APBA2: variants seen among roughly 807,000 people sequenced by gnomAD.
APBA2 encodes amyloid beta precursor protein binding family A member 2.
In APBA2, 30 loss-of-function variants were observed where a neutral mutation model predicts 75.0. The ratio of observed to expected loss-of-function variants is 0.40; its 90% confidence interval spans 0.30 to 0.54. The LOEUF (loss-of-function observed/expected upper bound fraction) is 0.54. Ranked by LOEUF, APBA2 falls within the 20% of genes least tolerant of loss-of-function variation. The pLI is 0.49. For synonymous variants in APBA2, 444 were observed against 409.6 expected (o/e 1.08, Z -1.01); for missense variants, 801 against 1,016.1 (o/e 0.79, Z 2.88).
chr15:28,933,798 G>A (rs2034694971), intron 2 of APBA2, among the ~76,000 whole-genome samples: 2 of 152,214 alleles, frequency 1.3e-5, no homozygotes, highest in African/African-American at 4.8e-5. Context: ...GGGACTGAGG[G>A]TAGAATAATG....
intron 2 of APBA2, among the ~76,000 whole-genome samples, chr15:28,945,795 G>A (rs1289743061): frequency 2.0e-5 from 3 of 152,104 alleles, no homozygotes; most frequent in African/African-American, 7.2e-5. Context: ...ATTACAGGCG[G>A]TGCCGCTCCT....
intron 2 of APBA2, among the ~76,000 whole-genome samples, chr15:28,966,391 A>G (rs1370729199): frequency 6.6e-6 from 1 of 151,898 alleles, no homozygotes; most frequent in Admixed American, 6.6e-5. Flanking sequence ...ACGCATTTAG[A>G]ATTTCTGTAT....
chr15:28,969,293 G>A (rs1486094643), intron 2 of APBA2, among the ~76,000 whole-genome samples: 3 of 151,884 alleles, frequency 2.0e-5, no homozygotes, highest in Admixed American at 6.6e-5. Context: ...CGATTCTCCT[G>A]CCTCAGCCTC....
chr15:28,988,164 T>A (rs1226841898), intron 2 of APBA2, among the ~76,000 whole-genome samples: 1 of 152,232 alleles, frequency 6.6e-6, no homozygotes, highest in African/African-American at 2.4e-5. Context: ...GATCCTTGTT[T>A]ATGGCCTAGT....
chr15:29,108,747 G>A (rs540806710), intron 13 of APBA2: 6 of 408,322 alleles, frequency 1.5e-5, no homozygotes, highest in Admixed American at 3.6e-5. Flanking sequence ...ACAAACAGAC[G>A]TTCACTCATT....
chr15:29,094,115 G>A (rs2043724320), intron 7 of APBA2, among the ~76,000 whole-genome samples, 163 bp from the exon 8 acceptor site: 1 of 152,256 alleles, frequency 6.6e-6, no homozygotes, highest in South Asian at 2.1e-4. Flanking sequence ...CTCTTGGTCA[G>A]TGTGTGTGCT....
At chr15:29,011,365 A>T (rs1226000723) in intron 3 of APBA2, among the ~76,000 whole-genome samples, 1 of 152,172 alleles carries the variant, frequency 6.6e-6, no homozygotes, top group African/African-American at 2.4e-5. Context: ...AAATCTGTTC[A>T]CTTTTTAAAA....
chr15:29,090,178 G>T (rs1248536748), intron 6 of APBA2, among the ~76,000 whole-genome samples: 1 of 152,232 alleles, frequency 6.6e-6, no homozygotes, highest in African/African-American at 2.4e-5. Flanking sequence ...GGCAGGCATG[G>T]AAGGCCCCCA....
At chr15:28,986,585 G>C (rs1047667163) in intron 2 of APBA2, among the ~76,000 whole-genome samples, 1 of 152,080 alleles carries the variant, frequency 6.6e-6, no homozygotes, top group African/African-American at 2.4e-5. Flanking sequence ...TGTCACCTCT[G>C]CCTCCCTAGT....
chr15:29,053,777 A>G, intron 3 of APBA2, 68 bp from the exon 4 acceptor site: 1 of 961,326 alleles, frequency 1.0e-6, no homozygotes, highest in Non-Finnish European at 1.6e-6. Context: ...GCTGTGGTGA[A>G]GTGGCCCCAC....
chr15:28,967,328 A>G (rs763363682), intron 2 of APBA2, among the ~76,000 whole-genome samples: 1 of 152,200 alleles, frequency 6.6e-6, no homozygotes, highest in Non-Finnish European at 1.5e-5. Flanking sequence ...TTTGCATGTG[A>G]TAGAGGGGAG....
intron 3 of APBA2, among the ~76,000 whole-genome samples, chr15:29,044,671 G>A (rs2041215772): frequency 6.6e-6 from 1 of 152,068 alleles, no homozygotes; most frequent in Non-Finnish European, 1.5e-5. Flanking sequence ...AGCGTCAAAG[G>A]GTCCTGGATA....
chr15:29,093,726 G>A (rs527993453), intron 7 of APBA2, among the ~76,000 whole-genome samples: 2 of 152,286 alleles, frequency 1.3e-5, no homozygotes, highest in South Asian at 2.1e-4. Context: ...TGGGGTCGGC[G>A]GGGAGGGGAT....
intron 3 of APBA2, among the ~76,000 whole-genome samples, chr15:28,997,964 G>A (rs2038623251): frequency 6.6e-6 from 1 of 152,152 alleles, no homozygotes; most frequent in South Asian, 2.1e-4. Context: ...AGAGAGAAAG[G>A]CGGCAAGGAG....
At chr15:28,927,471 C>T (rs1469941152) in intron 2 of APBA2, among the ~76,000 whole-genome samples, 2 of 151,910 alleles carry the variant, frequency 1.3e-5, no homozygotes, top group Non-Finnish European at 2.9e-5. Flanking sequence ...TGATTTTCTT[C>T]TCCATTGTCT....
chr15:28,936,424 C>T (rs1166457777), intron 2 of APBA2, among the ~76,000 whole-genome samples: 3 of 152,194 alleles, frequency 2.0e-5, no homozygotes, highest in African/African-American at 4.8e-5. Context: ...AGGTCTGTCC[C>T]GGAGCCATGT....
intron 4 of APBA2, among the ~76,000 whole-genome samples, chr15:29,061,014 T>A (rs1392569861): frequency 5.3e-5 from 8 of 152,098 alleles, no homozygotes; most frequent in Non-Finnish European, 1.2e-4. Context: ...TGCCTTCCCT[T>A]GAAGAGAGTA....
At chr15:28,985,935 G>T (rs922080039) in intron 2 of APBA2, among the ~76,000 whole-genome samples, 1 of 152,224 alleles carries the variant, frequency 6.6e-6, no homozygotes, top group Non-Finnish European at 1.5e-5. Flanking sequence ...GGCGGAGCAG[G>T]TGGCTGCCCT....
Position 28,896,484 on chromosome 15 carries a change from T to C in APBA2, c.-205+10206T>C, listed in dbSNP as rs544063457. On this transcript the variant is annotated intron_variant, in intron 1 of 14. Transcript: ENST00000683413. ...TTAGTAGAGACAGGGTTTCACCGTG[T>C]TAGCCAGGATGGTCTTGATCTGCTG... Among the ~76,000 whole-genome samples, 4 of 152,346 alleles carry C rather than the reference T, an allele frequency of 2.6e-5. No individual in the cohort carries two copies. The South Asian group carries it at 8.3e-4, about 32-fold the overall frequency.
Sources: allele counts gnomAD v4.1 joint callset (sites outside exome capture counted in the v4.1 genomes callset), GRCh38; gene constraint gnomAD v4.1.1; transcripts MANE v1.5; gene names NCBI Gene and HGNC (gene_info 2026-07-23, HGNC 2026-07-21).